CNTNAP5: variants seen among roughly 807,000 people sequenced by gnomAD.
CNTNAP5 encodes the protein contactin-associated protein-like 5.
A neutral mutation model predicts 150.2 loss-of-function variants in CNTNAP5; 72 were observed. That is an observed-to-expected ratio of 0.48 (90% confidence interval 0.40 to 0.58). The LOEUF (loss-of-function observed/expected upper bound fraction) is 0.58. Ranked by LOEUF, CNTNAP5 falls within the 20% of genes least tolerant of loss-of-function variation. CNTNAP5 has a pLI of 0.00. For synonymous variants in CNTNAP5, 672 were observed against 619.8 expected, an observed-to-expected ratio of 1.08 and a Z score of -1.25; for missense variants, 1,636 against 1,626.2, an observed-to-expected ratio of 1.01 and a Z score of -0.10.
intron 1 of CNTNAP5, among the ~76,000 whole-genome samples, chr2:124,042,019 C>A (rs1338985472): frequency 6.6e-6 from 1 of 152,098 alleles, no homozygotes; most frequent in African/African-American, 2.4e-5. Context: ...AGACACCATG[C>A]CCAACTAATT....
At chr2:124,291,271 G>T (rs1394023917) in intron 3 of CNTNAP5, among the ~76,000 whole-genome samples, 2 of 151,826 alleles carry the variant, frequency 1.3e-5, no homozygotes, top group Non-Finnish European at 2.9e-5. Context: ...TAAAATTTTG[G>T]TGTTTTTTGC....
intron 1 of CNTNAP5, among the ~76,000 whole-genome samples, chr2:124,215,295 C>A (rs1686125911): frequency 6.6e-6 from 1 of 152,076 alleles, no homozygotes; most frequent in South Asian, 2.1e-4. Context: ...AACTTCAGTA[C>A]CATCTGTAAC....
chr2:124,062,124 A>T (rs1213941), intron 1 of CNTNAP5, among the ~76,000 whole-genome samples: 129,896 of 152,212 alleles, frequency 0.85, 55,584 homozygotes, highest in Non-Finnish European at 0.88. Flanking sequence ...TTATTACAGA[A>T]TTAATTCTGT....
At chr2:124,378,369 T>G (rs1199075176) in intron 3 of CNTNAP5, among the ~76,000 whole-genome samples, 1 of 152,170 alleles carries the variant, frequency 6.6e-6, no homozygotes, top group African/African-American at 2.4e-5. Context: ...ACTCTCTCTC[T>G]AACTCCCACT....
intron 19 of CNTNAP5, among the ~76,000 whole-genome samples, chr2:124,842,370 C>T (rs146718578): frequency 1.8e-4 from 27 of 152,212 alleles, no homozygotes; most frequent in African/African-American, 5.8e-4. Context: ...ACCAAGGAAC[C>T]TGTTTGATTT....
intron 3 of CNTNAP5, among the ~76,000 whole-genome samples, chr2:124,371,561 T>A (rs1690526844): frequency 1.3e-5 from 2 of 152,146 alleles, no homozygotes; most frequent in African/African-American, 4.8e-5. Flanking sequence ...AGTGTGCTAA[T>A]AGGCTTTATG....
intron 1 of CNTNAP5, among the ~76,000 whole-genome samples, chr2:124,070,586 A>G (rs1682281262): frequency 6.6e-6 from 1 of 151,934 alleles, no homozygotes; most frequent in East Asian, 1.9e-4. Flanking sequence ...TAAAAAACTG[A>G]AAATAGAGAC....
At chr2:124,565,103 C>T (rs181696066) in intron 11 of CNTNAP5, among the ~76,000 whole-genome samples, 1 of 152,128 alleles carries the variant, frequency 6.6e-6, no homozygotes, top group African/African-American at 2.4e-5. Flanking sequence ...GACCTCTCAG[C>T]CATTCCTTAG....
chr2:124,522,691 C>T (rs1694874775), intron 8 of CNTNAP5, among the ~76,000 whole-genome samples: 2 of 127,376 alleles, frequency 1.6e-5, no homozygotes, highest in South Asian at 3.0e-4. Flanking sequence ...TGTTTAAAGT[C>T]CTCCTGGTAT....
At chr2:124,353,286 CAAAAAAAAA>C (rs565907115) in intron 3 of CNTNAP5, among the ~76,000 whole-genome samples, 5 of 88,282 alleles carry the variant, frequency 5.7e-5, no homozygotes, top group African/African-American at 2.1e-4. Context: ...AAAAACAGAC[CAAAAAAAAA>C]AAAAAAAAAA....
intron 6 of CNTNAP5, among the ~76,000 whole-genome samples, chr2:124,460,457 A>G (rs1693219151): frequency 6.6e-6 from 1 of 152,186 alleles, no homozygotes; most frequent in African/African-American, 2.4e-5. Flanking sequence ...GTATTACTTT[A>G]TAATACATAA....
At chr2:124,617,170 C>T (rs1174786218) in intron 12 of CNTNAP5, among the ~76,000 whole-genome samples, 2 of 150,902 alleles carry the variant, frequency 1.3e-5, no homozygotes, top group Non-Finnish European at 2.9e-5. Context: ...AAAATGGTAC[C>T]GACAGACTTG....
intron 6 of CNTNAP5, among the ~76,000 whole-genome samples, chr2:124,453,552 CA>C (rs1156253644): frequency 6.6e-6 from 1 of 152,044 alleles, no homozygotes; most frequent in Non-Finnish European, 1.5e-5. Context: ...AATTCATCAC[CA>C]AAAGATCATT....
chr2:124,616,158 G>A (rs913126519), intron 12 of CNTNAP5, among the ~76,000 whole-genome samples: 2 of 152,118 alleles, frequency 1.3e-5, no homozygotes, highest in East Asian at 1.9e-4. Flanking sequence ...AAGAGATACA[G>A]CCTATCCTTG....
intron 19 of CNTNAP5, among the ~76,000 whole-genome samples, chr2:124,805,824 C>G (rs1460317769): frequency 1.3e-5 from 2 of 152,162 alleles, no homozygotes; most frequent in Non-Finnish European, 2.9e-5. Flanking sequence ...CCTGTGTGCT[C>G]ACATGATCTT....
At chr2:124,185,341 C>T (rs1685309872) in intron 1 of CNTNAP5, among the ~76,000 whole-genome samples, 1 of 152,116 alleles carries the variant, frequency 6.6e-6, no homozygotes. Flanking sequence ...TGCCAAAAGG[C>T]AAGGACAAAT....
intron 1 of CNTNAP5, among the ~76,000 whole-genome samples, chr2:124,053,163 T>C (rs1159341641): frequency 1.3e-5 from 2 of 152,188 alleles, no homozygotes; most frequent in Admixed American, 1.3e-4. Flanking sequence ...GTAGATGTCC[T>C]GGCTGCGTTG....
At chr2:124,432,308 T>A (rs1692411302) in intron 4 of CNTNAP5, among the ~76,000 whole-genome samples, 1 of 152,150 alleles carries the variant, frequency 6.6e-6, no homozygotes, top group African/African-American at 2.4e-5. Flanking sequence ...TTCTGTCCCT[T>A]CTCCATCATG....
chr2:124,137,954 T>C (rs1684016861), intron 1 of CNTNAP5, among the ~76,000 whole-genome samples: 1 of 152,182 alleles, frequency 6.6e-6, no homozygotes, highest in African/African-American at 2.4e-5. Context: ...ATGATTCATA[T>C]TCAGGAGCAA....
Sources: gnomAD v4.1 joint callset for allele counts (sites outside exome capture counted in the v4.1 genomes callset) on GRCh38, gnomAD v4.1.1 for gene constraint, MANE v1.5 for transcripts, NCBI Gene and HGNC (gene_info 2026-07-23, HGNC 2026-07-21) for gene names.